The following PRKN variants were observed in gnomAD, a reference collection of about 807,000 sequenced individuals.
PRKN encodes the protein E3 ubiquitin-protein ligase parkin.
A neutral mutation model predicts 59.5 loss-of-function variants in PRKN; 56 were observed. That is an observed-to-expected ratio of 0.94 (90% CI 0.76 to 1.18). PRKN has a LOEUF of 1.18. Among genes scored for constraint, PRKN ranks in the 50% most tolerant of loss-of-function variants. The pLI, the probability that PRKN is intolerant of heterozygous loss-of-function variation, is 0.00. For synonymous variants in PRKN, 250 were observed against 222.1 expected (o/e 1.13, Z -1.12); for missense variants, 657 against 596.4 (o/e 1.10, Z -1.06).
chr6:162,546,341 G>A (rs564814621), intron 1 of PRKN, among the ~76,000 whole-genome samples: 2 of 152,172 alleles, frequency 1.3e-5, no homozygotes, highest in South Asian at 2.1e-4. Context: ...GACCTCAAGT[G>A]ATCCGCCTGC....
At chr6:162,726,870 C>T (rs1396351886) in intron 1 of PRKN, among the ~76,000 whole-genome samples, 1 of 152,106 alleles carries the variant, frequency 6.6e-6, no homozygotes, top group African/African-American at 2.4e-5. Context: ...CAGGGATAGC[C>T]CCTAAAGTAA....
chr6:162,701,006 C>A (rs1259049938), intron 1 of PRKN, among the ~76,000 whole-genome samples: 2 of 152,048 alleles, frequency 1.3e-5, no homozygotes, highest in African/African-American at 4.8e-5. Flanking sequence ...AAAGCAGAAT[C>A]TGTGTCTAAA....
At chr6:162,025,642 A>G (rs184563265) in intron 5 of PRKN, among the ~76,000 whole-genome samples, 41 of 121,986 alleles carry the variant, frequency 3.4e-4, no homozygotes, top group Middle Eastern at 7.9e-3. Context: ...AGGCTGGAGT[A>G]CAGTGCCACG....
chr6:162,391,762 C>G (rs1787208801), intron 2 of PRKN, among the ~76,000 whole-genome samples: 1 of 152,180 alleles, frequency 6.6e-6, no homozygotes, highest in African/African-American at 2.4e-5. Flanking sequence ...TCACACAGCC[C>G]TCCTGGCATT....
In PRKN at chr6:161,860,221, C is replaced by T. The variant is rs1793835430; in HGVS notation, c.735-74313G>A. Among the ~76,000 whole-genome samples, 5 of 152,132 alleles carry T rather than the reference C, an allele frequency of 3.3e-5. No individual in the cohort carries two copies. The South Asian group carries it at 1.0e-3, about 32-fold the overall frequency. On this transcript the variant is annotated intron_variant, in intron 6 of 11. Coordinates refer to ENST00000366898, the MANE Select transcript of PRKN (RefSeq NM_004562.3). The stretch of plus-strand genomic sequence containing the variant: ...GAAAAGAAAGACCTTCTTTCCCTGC[C>T]TTTTTGAGTGTATTGATTCATTCAT...
chr6:162,564,703 T>C (rs1779986421), intron 1 of PRKN, among the ~76,000 whole-genome samples: 1 of 152,096 alleles, frequency 6.6e-6, no homozygotes, highest in Admixed American at 6.6e-5. Context: ...GCATGACATA[T>C]TTAAAGTGCT....
At chr6:162,369,526 A>C (rs1445931527) in intron 2 of PRKN, among the ~76,000 whole-genome samples, 1 of 152,254 alleles carries the variant, frequency 6.6e-6, no homozygotes, top group Non-Finnish European at 1.5e-5. Flanking sequence ...ACATTCCACA[A>C]AAATATCAGC....
chr6:162,110,178 G>A (rs1047848544), intron 4 of PRKN, among the ~76,000 whole-genome samples: 6 of 152,108 alleles, frequency 3.9e-5, no homozygotes, highest in African/African-American at 9.7e-5. Context: ...TATGGGAAAA[G>A]GTAGATATGA....
intron 1 of PRKN, among the ~76,000 whole-genome samples, chr6:162,507,777 C>T (rs1470864261): frequency 6.6e-6 from 1 of 152,170 alleles, no homozygotes; most frequent in East Asian, 1.9e-4. Context: ...ACGAAGATCA[C>T]CTCTATCTAC....
At chr6:161,800,325 G>A (rs532219281) in intron 6 of PRKN, among the ~76,000 whole-genome samples, 104 of 152,136 alleles carry the variant, frequency 6.8e-4, no homozygotes, top group Admixed American at 2.2e-3. Flanking sequence ...CAGATTTCTC[G>A]CTTTTTAGGA....
chr6:161,919,279 T>TAG (rs2128238677), intron 6 of PRKN, among the ~76,000 whole-genome samples: 1 of 152,288 alleles, frequency 6.6e-6, no homozygotes, highest in East Asian at 1.9e-4. Context: ...TTGATTCCAT[T>TAG]TATCTAACAT....
At chr6:162,330,174 C>A (rs1176949345) in intron 2 of PRKN, among the ~76,000 whole-genome samples, 1 of 152,136 alleles carries the variant, frequency 6.6e-6, no homozygotes, top group East Asian at 1.9e-4. Flanking sequence ...TCTCATATTT[C>A]CAGTGCTTAT....
At chr6:162,175,778 A>G (rs1187800788) in intron 4 of PRKN, among the ~76,000 whole-genome samples, 2 of 152,136 alleles carry the variant, frequency 1.3e-5, no homozygotes, top group African/African-American at 4.8e-5. Flanking sequence ...TGTTTATCCT[A>G]AGGAAGTGAC....
At chr6:161,638,387 G>A (rs542150932) in intron 7 of PRKN, among the ~76,000 whole-genome samples, 4 of 152,118 alleles carry the variant, frequency 2.6e-5, no homozygotes, top group Admixed American at 6.5e-5. Context: ...TTCCTGCCTC[G>A]GCGTCCCAAA....
At chr6:161,959,446 C>T (rs1780301442) in intron 6 of PRKN, among the ~76,000 whole-genome samples, 1 of 152,210 alleles carries the variant, frequency 6.6e-6, no homozygotes, top group Non-Finnish European at 1.5e-5. Context: ...TCTGCAGCAG[C>T]CACATATAAG....
At chr6:161,831,330 T>A (rs1354794939) in intron 6 of PRKN, among the ~76,000 whole-genome samples, 1 of 152,248 alleles carries the variant, frequency 6.6e-6, no homozygotes, top group Non-Finnish European at 1.5e-5. Flanking sequence ...TTTGTCCAGA[T>A]GTATTTCTAA....
rs569134226 is a variant in PRKN at position 162,652,188 on chromosome 6, T to C, written c.7+75474A>G. On this transcript the variant is annotated intron_variant, in intron 1 of 11. Coordinates refer to ENST00000366898, the MANE Select transcript of PRKN (RefSeq NM_004562.3). ...GTGGCAAAACCGCCCCAGTTGATCT[T>C]TATATTTAGGGTCACCTCATATTTG... Among the ~76,000 whole-genome samples, 9 of 152,304 alleles carry C rather than the reference T, an allele frequency of 5.9e-5. No individual in the cohort carries two copies. In the East Asian group the frequency reaches 1.5e-3, roughly 26 times the overall value.
At chr6:161,757,003 T>C (rs944786054) in intron 7 of PRKN, among the ~76,000 whole-genome samples, 2 of 152,200 alleles carry the variant, frequency 1.3e-5, no homozygotes, top group African/African-American at 4.8e-5. Flanking sequence ...GGATACTCTC[T>C]TCAGTGGATG....
intron 1 of PRKN, among the ~76,000 whole-genome samples, chr6:162,649,162 T>C (rs921917828): frequency 1.3e-5 from 2 of 152,168 alleles, no homozygotes; most frequent in Non-Finnish European, 2.9e-5. Flanking sequence ...TAAATCTCCG[T>C]CAATATAATA....
Sources: gnomAD v4.1 joint callset for allele counts (sites outside exome capture counted in the v4.1 genomes callset) on GRCh38, gnomAD v4.1.1 for gene constraint, MANE v1.5 for transcripts, NCBI Gene and HGNC (gene_info 2026-07-23, HGNC 2026-07-21) for gene names.